Variants in PRIM2 observed in about 807,000 individuals in gnomAD.
PRIM2 encodes DNA primase subunit 2, also known as DNA primase large subunit.
PRIM2 carries 39 observed loss-of-function variants against 67.3 expected under a neutral mutation model. The ratio of observed to expected loss-of-function variants is 0.58; its 90% CI spans 0.45 to 0.76. The LOEUF (loss-of-function observed/expected upper bound fraction) is 0.76. PRIM2 is among the 30% of genes least tolerant of loss of function. The probability of loss-of-function intolerance (pLI) is 0.00; values close to 1 mark genes in which losing one functional copy is unlikely to be tolerated. For synonymous variants in PRIM2, 143 were observed against 198.7 expected (o/e 0.72, Z 2.36); for missense variants, 398 against 598.7 (o/e 0.66, Z 3.50).
At chr6:57,331,018 TA>T (rs956500638) in intron 5 of PRIM2, among the ~76,000 whole-genome samples, 18 of 148,176 alleles carry the variant, frequency 1.2e-4, no homozygotes, top group Middle Eastern at 3.4e-3. Flanking sequence ...CCGTCTCTAC[TA>T]AAAAAAAAAT....
intron 5 of PRIM2, among the ~76,000 whole-genome samples, chr6:57,372,765 C>G (rs1232113445): frequency 2.0e-5 from 3 of 152,156 alleles, no homozygotes; most frequent in African/African-American, 7.2e-5. Flanking sequence ...CCATCCATGT[C>G]CCTGCAAAGG....
At chr6:57,449,265 G>C (rs1260733340) in intron 7 of PRIM2, among the ~76,000 whole-genome samples, 1 of 152,152 alleles carries the variant, frequency 6.6e-6, no homozygotes, top group South Asian at 2.1e-4. Flanking sequence ...TTGAATCAAA[G>C]AATTATGATC....
intron 10 of PRIM2, among the ~76,000 whole-genome samples, chr6:57,567,282 A>C (rs1775762915): frequency 6.6e-6 from 1 of 152,060 alleles, no homozygotes; most frequent in Non-Finnish European, 1.5e-5. Flanking sequence ...TTGACTTAAA[A>C]TTTTTTTATT....
chr6:57,524,880 A>G (rs1342277422), intron 8 of PRIM2, among the ~76,000 whole-genome samples: 1 of 152,102 alleles, frequency 6.6e-6, no homozygotes. Flanking sequence ...GCACTATTAT[A>G]TGTACACTTA....
At chr6:57,633,515 TATCTC>T (rs1379854976) in intron 13 of PRIM2, among the ~76,000 whole-genome samples, 7 of 152,146 alleles carry the variant, frequency 4.6e-5, no homozygotes, top group Non-Finnish European at 7.3e-5. Context: ...CTTGATAAAA[TATCTC>T]ATAGGAAAAA....
At chr6:57,625,470 A>G (rs1776932899) in intron 12 of PRIM2, among the ~76,000 whole-genome samples, 1 of 152,212 alleles carries the variant, frequency 6.6e-6, no homozygotes, top group African/African-American at 2.4e-5. Context: ...TTGCAGGAGA[A>G]GCTGGACCAG....
intron 10 of PRIM2, among the ~76,000 whole-genome samples, chr6:57,589,200 A>C (rs1161139855): frequency 6.6e-6 from 1 of 152,168 alleles, no homozygotes; most frequent in Non-Finnish European, 1.5e-5. Context: ...ATGCACCTAG[A>C]ATGATTCTAA....
chr6:57,322,239 T>C (rs1767685469), intron 3 of PRIM2, among the ~76,000 whole-genome samples: 1 of 152,066 alleles, frequency 6.6e-6, no homozygotes, highest in Non-Finnish European at 1.5e-5. Context: ...AGATCTAGAA[T>C]AGAATGGGGA....
chr6:57,459,992 A>G (rs1229235453), intron 7 of PRIM2, among the ~76,000 whole-genome samples: 3 of 152,198 alleles, frequency 2.0e-5, no homozygotes, highest in African/African-American at 7.2e-5. Flanking sequence ...CCTCCTGGTC[A>G]TGAAACATTG....
At chr6:57,369,876 T>A (rs1450164706) in intron 5 of PRIM2, among the ~76,000 whole-genome samples, 1 of 152,210 alleles carries the variant, frequency 6.6e-6, no homozygotes, top group Non-Finnish European at 1.5e-5. Flanking sequence ...GGAAAAAGCC[T>A]GAAATACAGA....
chr6:57,459,162 T>C (rs1222265602), intron 7 of PRIM2, among the ~76,000 whole-genome samples: 7 of 152,184 alleles, frequency 4.6e-5, no homozygotes, highest in African/African-American at 1.7e-4. Context: ...GGTTTCTTTA[T>C]CTGTAAAATG....
At chr6:57,290,594 C>T in the PRIM2 span, among the ~76,000 whole-genome samples, 2 of 152,086 alleles carry the variant, frequency 1.3e-5, no homozygotes, top group Admixed American at 6.6e-5. Context: ...AAATTGACCA[C>T]GTAATTGGAA....
At chr6:57,529,587 C>G (rs1349503811) in intron 8 of PRIM2, among the ~76,000 whole-genome samples, 1 of 152,106 alleles carries the variant, frequency 6.6e-6, no homozygotes, top group African/African-American at 2.4e-5. Flanking sequence ...AATCCAATAA[C>G]ACATTGTCAG....
At chr6:57,325,522 G>A (rs997600709) in intron 4 of PRIM2, among the ~76,000 whole-genome samples, 4 of 151,972 alleles carry the variant, frequency 2.6e-5, no homozygotes, top group African/African-American at 9.7e-5. Flanking sequence ...TCAAACTTCT[G>A]GGCTCGAGCA....
At chr6:57,345,816 T>G (rs1581812897) in intron 5 of PRIM2, among the ~76,000 whole-genome samples, 1 of 152,210 alleles carries the variant, frequency 6.6e-6, no homozygotes, top group African/African-American at 2.4e-5. Flanking sequence ...GATCATATGC[T>G]AAACAAGAGG....
chr6:57,502,659 C>T (rs1203917833), intron 7 of PRIM2, among the ~76,000 whole-genome samples: 22 of 152,150 alleles, frequency 1.4e-4, no homozygotes, highest in African/African-American at 5.1e-4. Flanking sequence ...GCTCCTCCCT[C>T]GAAGTGTCTG....
chr6:57,382,012 T>G lies in PRIM2; in HGVS notation c.556-19T>G. On this transcript the variant is annotated intron_variant, in intron 6 of 13. Transcript: ENST00000615550. ...ATGACAGGTGCTGACTTATTTTGCC[T>G]GTTTTACTCTTAATTCAGATCCCTT... The G allele has an allele frequency of 6.3e-7, 1 of 1,594,008 alleles. No homozygotes were observed. The highest frequency in any genetic ancestry group is 8.6e-7 in the Non-Finnish European group (1 of 1,167,684).
At chr6:57,276,039 A>C in the PRIM2 span, among the ~76,000 whole-genome samples, 2 of 152,210 alleles carry the variant, frequency 1.3e-5, no homozygotes, top group Non-Finnish European at 2.9e-5. Flanking sequence ...GAACTGAACA[A>C]AGAAAGAAAA....
chr6:57,460,516 T>C (rs1358127244), intron 7 of PRIM2, among the ~76,000 whole-genome samples: 2 of 152,082 alleles, frequency 1.3e-5, no homozygotes, highest in African/African-American at 4.8e-5. Context: ...AAATATGATA[T>C]CTACTGGATT....
Sources: allele counts gnomAD v4.1 joint callset (sites outside exome capture counted in the v4.1 genomes callset), GRCh38; gene constraint gnomAD v4.1.1; transcripts MANE v1.5; gene names NCBI Gene and HGNC (gene_info 2026-07-23, HGNC 2026-07-21).